Variants in CCAR1 observed in about 807,000 individuals in gnomAD.
CCAR1 encodes cell division cycle and apoptosis regulator protein 1.
Under a neutral mutation model 163.8 loss-of-function variants are expected in CCAR1, and 78 were observed. The observed-to-expected ratio is 0.48, with a 90% CI of 0.40 to 0.57. The LOEUF (loss-of-function observed/expected upper bound fraction) is 0.57. Ranked by LOEUF, CCAR1 falls within the 20% of genes least tolerant of loss-of-function variation. The pLI is 0.00. For synonymous variants in CCAR1, 443 were observed against 460.7 expected (o/e 0.96, Z 0.49); for missense variants, 1,019 against 1,365.2 (o/e 0.75, Z 4.00).
Position 68,722,583 on chromosome 10 carries a change from G to T in CCAR1, c.73+6G>T. 6.2e-7 allele frequency: 1 copy of T among 1,604,672 alleles called. No homozygotes were observed. The highest frequency in any genetic ancestry group is 8.5e-7 in the Non-Finnish European group (1 of 1,171,556). On this transcript the variant is annotated splice_donor_region_variant and intron_variant, in intron 2 of 24. Transcript: ENST00000265872. ...CACTGCAGTATCACAGCCAGGTCAG[G>T]CTTCTAAATACATGTACTGTAATTG...
intron 23 of CCAR1, among the ~76,000 whole-genome samples, chr10:68,788,943 C>G (rs866169014): frequency 6.6e-6 from 1 of 151,524 alleles, no homozygotes; most frequent in Non-Finnish European, 1.5e-5. Flanking sequence ...AGAGTTTTGC[C>G]CTGTCACCCA....
chr10:68,726,741 TAA>T (rs1005546361), intron 2 of CCAR1, among the ~76,000 whole-genome samples: 6 of 151,918 alleles, frequency 3.9e-5, no homozygotes, highest in African/African-American at 1.4e-4. Flanking sequence ...CTCATGCCTG[TAA>T]TCCCAGCACT....
chr10:68,738,186 G>A (rs539860877), intron 4 of CCAR1, among the ~76,000 whole-genome samples: 30 of 152,240 alleles, frequency 2.0e-4, no homozygotes, highest in African/African-American at 7.0e-4. Context: ...AAGCCGAGGC[G>A]GGCGGATCAC....
At chr10:68,790,804 T>A (rs2497095) in intron 24 of CCAR1, among the ~76,000 whole-genome samples, 1 of 150,254 alleles carries the variant, frequency 6.7e-6, no homozygotes, top group African/African-American at 2.4e-5. Flanking sequence ...GTCAGGAGAT[T>A]GAGACCACAG....
chr10:68,770,804 G>A (rs1359044457), intron 17 of CCAR1, among the ~76,000 whole-genome samples: 5 of 152,146 alleles, frequency 3.3e-5, no homozygotes, highest in Non-Finnish European at 4.4e-5. Flanking sequence ...GTGGCTAGGC[G>A]CGGTGGCTTA....
intron 13 of CCAR1, among the ~76,000 whole-genome samples, chr10:68,755,834 CAA>C (rs1304126626): frequency 6.6e-6 from 1 of 152,102 alleles, no homozygotes; most frequent in Non-Finnish European, 1.5e-5. Flanking sequence ...AGAAGATCGT[CAA>C]GAGAGAACTT....
At chr10:68,763,123 A>C (rs1170814501) in intron 16 of CCAR1, among the ~76,000 whole-genome samples, 1 of 150,984 alleles carries the variant, frequency 6.6e-6, no homozygotes. Flanking sequence ...TTTTTTTTTA[A>C]TGTATTTTAT....
At chr10:68,728,761 C>T (rs1317718670) in intron 2 of CCAR1, among the ~76,000 whole-genome samples, 1 of 152,108 alleles carries the variant, frequency 6.6e-6, no homozygotes, top group African/African-American at 2.4e-5. Flanking sequence ...TTGAGACCCA[C>T]CCACCTAACC....
chr10:68,742,331 G>T, intron 5 of CCAR1, 45 bp from the exon 6 acceptor site: 1 of 1,473,598 alleles, frequency 6.8e-7, no homozygotes, highest in South Asian at 1.3e-5. Context: ...GTTTTTAGAT[G>T]ATTTCAAATC....
At chr10:68,739,818 C>A (rs1007909918) in intron 4 of CCAR1, among the ~76,000 whole-genome samples, 1 of 152,200 alleles carries the variant, frequency 6.6e-6, no homozygotes, top group Non-Finnish European at 1.5e-5. Context: ...TTGATATGAT[C>A]TAATCTCTAA....
Position 68,754,627 on chromosome 10 carries a change from C to T in CCAR1, c.1345-87C>T, listed in dbSNP as rs571811397. On this transcript the variant is annotated intron_variant, in intron 11 of 24. Coordinates refer to ENST00000265872, the MANE Select transcript of CCAR1 (RefSeq NM_018237.4). ...CTATTTTTATTTAAATTTCAGACAT[C>T]TTATATTTAAAGATAATTAGTAGTG... 7.1e-5 allele frequency: 48 copies of T among 677,160 alleles called. No homozygotes were observed. In the South Asian group the frequency reaches 8.8e-4, roughly 12 times the overall value. 41.9% of individuals were successfully genotyped at this position (677,160 alleles called of 1,614,324 possible).
At chr10:68,724,349 C>T (rs2055909081) in intron 2 of CCAR1, among the ~76,000 whole-genome samples, 1 of 151,956 alleles carries the variant, frequency 6.6e-6, no homozygotes, top group Non-Finnish European at 1.5e-5. Context: ...GCCTGTAATC[C>T]CAGCTACTCA....
intron 17 of CCAR1, among the ~76,000 whole-genome samples, chr10:68,767,710 A>G (rs2056553489): frequency 6.6e-6 from 1 of 152,128 alleles, no homozygotes; most frequent in Admixed American, 6.6e-5. Context: ...AGCCCCGGCT[A>G]ATTTTTGCAT....
At position 68,753,955 on chromosome 10, in the gene CCAR1, T is replaced by A. The variant is rs1463915836; in HGVS notation, c.1222T>A (p.Ser408Thr). 1 of 1,614,024 alleles carries A rather than the reference T, an allele frequency of 6.2e-7. No individual in the cohort carries two copies. The highest frequency in any genetic ancestry group is 8.5e-7 in the Non-Finnish European group (1 of 1,179,918). Residue 408 changes from serine (S) to threonine (T), a missense_variant, in exon 11 of 25, where the codon TCA becomes ACA. Physicochemically the swap from Ser to Thr is moderately conservative, Grantham distance 58. Coordinates refer to ENST00000265872, the MANE Select transcript of CCAR1 (RefSeq NM_018237.4). Reference sequence around the variant, plus strand: ...TACATGGGTGGATGCTTTCCCTTTGTCAAGACCATTTCAGCTGGGAAATTA... The same window carrying A: ...TACATGGGTGGATGCTTTCCCTTTGACAAGACCATTTCAGCTGGGAAATTA... ...QFTWVDAFPLSRPFQLGNYCN... is the reference protein window; with the variant it reads ...QFTWVDAFPLTRPFQLGNYCN...
chr10:68,767,384 C>T (rs2056549243), intron 17 of CCAR1, among the ~76,000 whole-genome samples: 1 of 152,150 alleles, frequency 6.6e-6, no homozygotes, highest in Non-Finnish European at 1.5e-5. Context: ...TCTCCTGCCT[C>T]AGCCTCCCGG....
chr10:68,727,074 G>GT (rs1417202441), intron 2 of CCAR1, among the ~76,000 whole-genome samples: 1,311 of 121,512 alleles, frequency 0.011, 17 homozygotes, highest in African/African-American at 0.023. Context: ...TTTTTTTTTT[G>GT]TTTTTTTTTT....
At position 68,722,919 on chromosome 10, in the gene CCAR1, C is replaced by T. The variant is rs1158861843; in HGVS notation, c.73+342C>T. 2.0e-5 allele frequency among the ~76,000 whole-genome samples: 3 copies of T among 151,624 alleles called. No individual in the cohort carries two copies. In the East Asian group the frequency reaches 5.8e-4, roughly 30 times the overall value. On this transcript the variant is annotated intron_variant, in intron 2 of 24. Coordinates refer to ENST00000265872, the MANE Select transcript of CCAR1 (RefSeq NM_018237.4). ...CCTGGGCGACAGAGAGATACTCCGT[C>T]TCAAAAAAACAAAACAAAACAACAT...
intron 9 of CCAR1, 100 bp downstream of exon 9, chr10:68,749,365 A>G: frequency 7.5e-7 from 1 of 1,341,926 alleles, no homozygotes; most frequent in South Asian, 1.6e-5. Flanking sequence ...AAAATTTTAA[A>G]ATGGTAAATT....
In CCAR1 at chr10:68,749,186, C is replaced by T. The variant is rs1166584118; in HGVS notation, c.877C>T (p.Arg293Ter). The change falls in exon 9 of 25, where the codon CGA becomes TGA. Residue 293 changes from arginine to a stop codon, truncating the protein, a stop_gained. Transcript: ENST00000265872. LOFTEE classifies it high-confidence loss of function. ...TATAGTTTCACAGCCACAACCGGCA[C>T]GACGATTAGATCCCCCATCCCGATT... ...VRIVSQPQPARRLDPPSRFSG... is the reference protein window; with the variant it reads ...VRIVSQPQPA 4 of 1,613,682 alleles carry T rather than the reference C, an allele frequency of 2.5e-6. No homozygotes were observed. The highest frequency in any genetic ancestry group is 2.5e-6 in the Non-Finnish European group (3 of 1,179,870).
Sources: allele counts gnomAD v4.1 joint callset (sites outside exome capture counted in the v4.1 genomes callset), GRCh38; gene constraint gnomAD v4.1.1; transcripts MANE v1.5; gene names NCBI Gene and HGNC (gene_info 2026-07-23, HGNC 2026-07-21).